Variants in ARHGAP26 observed in about 807,000 individuals in gnomAD.
ARHGAP26 encodes rho GTPase-activating protein 26.
ARHGAP26 carries 38 observed loss-of-function variants against 104.8 expected under a neutral mutation model. The ratio of observed to expected loss-of-function variants is 0.36; its 90% CI spans 0.28 to 0.48. The LOEUF (loss-of-function observed/expected upper bound fraction) is 0.48, where lower values mean the gene tolerates loss of function less well. ARHGAP26 is among the 20% of genes least tolerant of loss of function. ARHGAP26 has a pLI of 0.99. For missense variants in ARHGAP26, 704 were observed against 947.9 expected (o/e 0.74, Z 3.38); for synonymous variants, 341 against 340.0 (o/e 1.00, Z -0.03).
intron 20 of ARHGAP26, among the ~76,000 whole-genome samples, chr5:143,181,795 C>A (rs976474094): frequency 1.3e-5 from 2 of 152,152 alleles, no homozygotes; most frequent in African/African-American, 4.8e-5. Context: ...TTTTTTAATT[C>A]TTTAACTATG....
chr5:142,933,833 TC>T (rs1315575216), intron 11 of ARHGAP26, among the ~76,000 whole-genome samples: 1 of 152,218 alleles, frequency 6.6e-6, no homozygotes, highest in Non-Finnish European at 1.5e-5. Flanking sequence ...GTTGGCAGTC[TC>T]CATCCTAGTG....
intron 1 of ARHGAP26, among the ~76,000 whole-genome samples, chr5:142,828,944 C>T (rs938944326): frequency 4.6e-5 from 7 of 152,182 alleles, no homozygotes; most frequent in Non-Finnish European, 1.0e-4. Context: ...AGAAGGCCTG[C>T]GTATCTGTTT....
chr5:143,187,698 A>G (rs1024993605), intron 20 of ARHGAP26, among the ~76,000 whole-genome samples: 1 of 152,048 alleles, frequency 6.6e-6, no homozygotes, highest in Non-Finnish European at 1.5e-5. Context: ...AAATGACTCA[A>G]CCCCTCCAAC....
In ARHGAP26 at chr5:143,054,533, A is replaced by G. The variant is rs746351250; in HGVS notation, c.1373+7A>G. 7 of 1,587,716 alleles carry G rather than the reference A, an allele frequency of 4.4e-6. No homozygotes were observed. In the South Asian group the frequency reaches 7.8e-5, roughly 18 times the overall value. ...CTCTGAAGACCTACCTAAGGTAGGG[A>G]CTTTCCATTTGCAAGGCAGAGTGCC... is the stretch of plus-strand genomic sequence containing the variant. On this transcript the variant is annotated splice_region_variant and intron_variant, in intron 15 of 22. Coordinates refer to ENST00000645722, the MANE Select transcript of ARHGAP26 (RefSeq NM_001135608.3).
intron 21 of ARHGAP26, among the ~76,000 whole-genome samples, chr5:143,208,572 C>T (rs1472373772): frequency 6.6e-6 from 1 of 152,186 alleles, no homozygotes; most frequent in Non-Finnish European, 1.5e-5. Flanking sequence ...CTGAACCCTA[C>T]TGTGGAAAAA....
intron 11 of ARHGAP26, among the ~76,000 whole-genome samples, chr5:142,964,543 AACACACACAC>A (rs200282524): frequency 3.1e-4 from 23 of 74,742 alleles, no homozygotes; most frequent in African/African-American, 9.2e-4. Flanking sequence ...CTCTGTTTAA[AACACACACAC>A]ACACACACAC....
chr5:143,019,918 T>G (rs1337534185), intron 12 of ARHGAP26, among the ~76,000 whole-genome samples: 1 of 152,214 alleles, frequency 6.6e-6, no homozygotes, highest in Non-Finnish European at 1.5e-5. Flanking sequence ...TAACTCAGAT[T>G]CCATAGGTTA....
chr5:143,151,231 A>G (rs2151004014), intron 20 of ARHGAP26, among the ~76,000 whole-genome samples: 1 of 152,308 alleles, frequency 6.6e-6, no homozygotes, highest in African/African-American at 2.4e-5. Flanking sequence ...ACCACTACAC[A>G]CCTCTGAGAA....
At position 142,853,235 on chromosome 5, in the gene ARHGAP26, A is replaced by G. The variant is rs866903830; in HGVS notation, c.155-20165A>G. 6.6e-5 allele frequency among the ~76,000 whole-genome samples: 10 copies of G among 151,890 alleles called. No homozygotes were observed. In the East Asian group the frequency reaches 1.9e-3, roughly 29 times the overall value. On this transcript the variant is annotated intron_variant, in intron 1 of 22. Transcript: ENST00000645722. ...GGTCTTCTTTTGTCGCCTAGGCTGG[A>G]GTGCACTGTTACCATCTTGGCTCAC...
At chr5:142,813,726 T>A (rs1347078818) in intron 1 of ARHGAP26, among the ~76,000 whole-genome samples, 1 of 152,262 alleles carries the variant, frequency 6.6e-6, no homozygotes, top group Non-Finnish European at 1.5e-5. Flanking sequence ...TATTAGGGCC[T>A]GCCCTAATGA....
At chr5:142,896,076 A>C (rs887713433) in intron 6 of ARHGAP26, among the ~76,000 whole-genome samples, 2 of 152,206 alleles carry the variant, frequency 1.3e-5, no homozygotes, top group African/African-American at 4.8e-5. Flanking sequence ...GTGAGCAGCT[A>C]TCTGTCAGAT....
At chr5:143,145,378 G>A (rs888203992) in intron 19 of ARHGAP26, among the ~76,000 whole-genome samples, 4 of 152,152 alleles carry the variant, frequency 2.6e-5, no homozygotes, top group Admixed American at 6.5e-5. Context: ...AGCAGTAAAT[G>A]TCTCCAGTTG....
intron 1 of ARHGAP26, among the ~76,000 whole-genome samples, chr5:142,872,273 T>A (rs1433038207): frequency 1.3e-5 from 2 of 152,160 alleles, no homozygotes; most frequent in Non-Finnish European, 2.9e-5. Flanking sequence ...GAAAAAGTAC[T>A]GGGAGTCACG....
At chr5:142,988,387 C>T (rs1380576784) in intron 11 of ARHGAP26, among the ~76,000 whole-genome samples, 2 of 151,932 alleles carry the variant, frequency 1.3e-5, no homozygotes, top group African/African-American at 4.8e-5. Flanking sequence ...CTCTTTTCTT[C>T]TTTATTAGTC....
At chr5:143,042,024 C>G (rs1783545120) in intron 14 of ARHGAP26, 134 bp downstream of exon 14, 1 of 716,486 alleles carries the variant, frequency 1.4e-6, no homozygotes, top group African/African-American at 1.8e-5. Context: ...TAGAAGTCAT[C>G]TGCCCCATCG....
At chr5:143,168,400 T>A (rs1359402177) in intron 20 of ARHGAP26, among the ~76,000 whole-genome samples, 1 of 145,250 alleles carries the variant, frequency 6.9e-6, no homozygotes, top group African/African-American at 2.5e-5. Flanking sequence ...CCTATTTTCA[T>A]CACAGCTTTG....
At chr5:143,175,050 A>G (rs981039108) in intron 20 of ARHGAP26, among the ~76,000 whole-genome samples, 2 of 152,268 alleles carry the variant, frequency 1.3e-5, no homozygotes, top group African/African-American at 4.8e-5. Flanking sequence ...CTCCGAATAC[A>G]TCTGTTGCTC....
At chr5:143,007,468 A>G (rs1194243202) in intron 11 of ARHGAP26, among the ~76,000 whole-genome samples, 3 of 152,216 alleles carry the variant, frequency 2.0e-5, no homozygotes, top group Non-Finnish European at 4.4e-5. Flanking sequence ...TTGTTATTAC[A>G]TAATGGTTGC....
At chr5:143,052,340 C>T (rs1458448032) in intron 14 of ARHGAP26, among the ~76,000 whole-genome samples, 2 of 152,054 alleles carry the variant, frequency 1.3e-5, no homozygotes, top group Non-Finnish European at 2.9e-5. Flanking sequence ...CATGGTGGCA[C>T]ATGCCTGTAA....
Sources: allele counts gnomAD v4.1 joint callset (sites outside exome capture counted in the v4.1 genomes callset), GRCh38; gene constraint gnomAD v4.1.1; transcripts MANE v1.5; gene names NCBI Gene and HGNC (gene_info 2026-07-23, HGNC 2026-07-21).